Variants in B3GLCT observed in about 807,000 individuals in gnomAD.
B3GLCT encodes beta-1,3-glucosyltransferase.
Under a neutral mutation model 63.4 loss-of-function variants are expected in B3GLCT, and 65 were observed. That is an observed-to-expected ratio of 1.03 (90% CI 0.84 to 1.26). B3GLCT has a LOEUF of 1.26. Among genes scored for constraint, B3GLCT ranks in the 50% most tolerant of loss-of-function variants. B3GLCT has a pLI of 0.00. For synonymous variants in B3GLCT, 233 were observed against 219.2 expected (o/e 1.06, Z -0.55); for missense variants, 577 against 604.8 (o/e 0.95, Z 0.48).
chr13:31,295,206 C>T (rs773236260), intron 12 of B3GLCT, among the ~76,000 whole-genome samples: 4 of 152,128 alleles, frequency 2.6e-5, no homozygotes, highest in African/African-American at 4.8e-5. Flanking sequence ...CAGACGGGCA[C>T]GCGCCAGATG....
chr13:31,252,676 A>G (rs1490896603), intron 6 of B3GLCT, among the ~76,000 whole-genome samples: 4 of 152,204 alleles, frequency 2.6e-5, no homozygotes, highest in Admixed American at 2.6e-4. Flanking sequence ...AACTGTCCTA[A>G]ATATATGCAC....
intron 7 of B3GLCT, among the ~76,000 whole-genome samples, chr13:31,266,996 C>T (rs1566071452): frequency 6.6e-6 from 1 of 152,144 alleles, no homozygotes; most frequent in Non-Finnish European, 1.5e-5. Context: ...GTCTTGAACT[C>T]CTGACCTCAG....
chr13:31,266,260 C>A (rs1450365164), intron 7 of B3GLCT, among the ~76,000 whole-genome samples: 1 of 151,948 alleles, frequency 6.6e-6, no homozygotes. Context: ...GGCCTCCCAA[C>A]CTCGTGATCC....
intron 1 of B3GLCT, among the ~76,000 whole-genome samples, chr13:31,212,869 T>C (rs1417184382): frequency 6.6e-6 from 1 of 152,272 alleles, no homozygotes; most frequent in African/African-American, 2.4e-5. Flanking sequence ...AATTCTGTTT[T>C]TGATATCTTC....
intron 10 of B3GLCT, among the ~76,000 whole-genome samples, chr13:31,278,844 C>T (rs916617998): frequency 4.5e-4 from 69 of 152,168 alleles, no homozygotes; most frequent in African/African-American, 1.6e-3. Context: ...TACCTAGTTT[C>T]ATGTTGACAC....
chr13:31,200,365 C>T (rs1028255488), intron 1 of B3GLCT, among the ~76,000 whole-genome samples: 24 of 149,300 alleles, frequency 1.6e-4, no homozygotes, highest in African/African-American at 5.8e-4. Flanking sequence ...GGACCCGAGG[C>T]GTGCCCGCTC....
At chr13:31,288,896 A>G (rs1873493877) in intron 12 of B3GLCT, among the ~76,000 whole-genome samples, 1 of 152,184 alleles carries the variant, frequency 6.6e-6, no homozygotes, top group Non-Finnish European at 1.5e-5. Flanking sequence ...GATCCCAATC[A>G]GTAAGAATTC....
At chr13:31,315,466 G>A (rs543816721) in intron 12 of B3GLCT, among the ~76,000 whole-genome samples, 1 of 152,288 alleles carries the variant, frequency 6.6e-6, no homozygotes, top group East Asian at 1.9e-4. Context: ...AGGTGATTTA[G>A]GGTATCTGGT....
At chr13:31,213,163 A>G (rs1869365599) in intron 1 of B3GLCT, among the ~76,000 whole-genome samples, 2 of 152,202 alleles carry the variant, frequency 1.3e-5, no homozygotes, top group Admixed American at 6.5e-5. Flanking sequence ...TATAGAGAGC[A>G]GGTGGTCCTT....
intron 6 of B3GLCT, among the ~76,000 whole-genome samples, chr13:31,254,376 C>T (rs1871610354): frequency 6.6e-6 from 1 of 152,160 alleles, no homozygotes; most frequent in South Asian, 2.1e-4. Flanking sequence ...TCAACATATG[C>T]AAATCAATAA....
At chr13:31,201,226 C>T (rs1206321191) in intron 1 of B3GLCT, among the ~76,000 whole-genome samples, 1 of 152,088 alleles carries the variant, frequency 6.6e-6, no homozygotes, top group African/African-American at 2.4e-5. Flanking sequence ...GCGCACTGCT[C>T]TTGTTAGCCC....
intron 1 of B3GLCT, among the ~76,000 whole-genome samples, chr13:31,207,103 T>A (rs1469601766): frequency 6.6e-6 from 1 of 152,238 alleles, no homozygotes; most frequent in African/African-American, 2.4e-5. Flanking sequence ...ACTTACTTTA[T>A]CTGTATGTCT....
chr13:31,299,098 A>C (rs1222950421), intron 12 of B3GLCT, among the ~76,000 whole-genome samples: 1 of 152,206 alleles, frequency 6.6e-6, no homozygotes, highest in Non-Finnish European at 1.5e-5. Context: ...TCACCCGAGC[A>C]TCCTCTTCAC....
chr13:31,277,442 C>T lies in B3GLCT; in HGVS notation c.850+671C>T, dbSNP rs147881965. Among the ~76,000 whole-genome samples the T allele has an allele frequency of 1.1e-3, 171 of 149,702 alleles. 1 individual carries two copies. The highest frequency in any genetic ancestry group is 4.0e-3 in the African/African-American group (163 of 41,048). ...AATAGACATAATTTCTCTCTTTTTG[C>T]ACCTTATTTCAAGCAACACTTTTCT... On this transcript the variant is annotated intron_variant, in intron 10 of 14. Transcript: ENST00000343307.
At chr13:31,318,911 C>T (rs1813935769) in intron 13 of B3GLCT, among the ~76,000 whole-genome samples, 2 of 152,098 alleles carry the variant, frequency 1.3e-5, no homozygotes, top group African/African-American at 2.4e-5. Context: ...GCAAGAAAAC[C>T]ATTTTGTTGT....
chr13:31,280,156 TTAAAG>T (rs1460303079), intron 10 of B3GLCT, among the ~76,000 whole-genome samples: 1 of 152,184 alleles, frequency 6.6e-6, no homozygotes, highest in Admixed American at 6.5e-5. Context: ...GATTAAGAGA[TTAAAG>T]TAAAGACAGG....
chr13:31,232,630 G>C (rs1870438859), intron 4 of B3GLCT, among the ~76,000 whole-genome samples: 1 of 152,188 alleles, frequency 6.6e-6, no homozygotes. Flanking sequence ...CGTATCACAT[G>C]CTATGCCCCT....
intron 4 of B3GLCT, among the ~76,000 whole-genome samples, chr13:31,232,722 G>T (rs1003852659): frequency 6.6e-6 from 1 of 152,160 alleles, no homozygotes; most frequent in Non-Finnish European, 1.5e-5. Flanking sequence ...ATCTTGAGCC[G>T]CCGTGCTAAG....
chr13:31,208,629 C>A (rs548717843), intron 1 of B3GLCT, among the ~76,000 whole-genome samples: 2 of 138,308 alleles, frequency 1.4e-5, no homozygotes, highest in Non-Finnish European at 3.2e-5. Flanking sequence ...GCCCCCCCCC[C>A]CCGCTCACTG....
Sources: allele counts gnomAD v4.1 joint callset (sites outside exome capture counted in the v4.1 genomes callset), GRCh38; gene constraint gnomAD v4.1.1; transcripts MANE v1.5; gene names NCBI Gene and HGNC (gene_info 2026-07-23, HGNC 2026-07-21).